The following ZNF423 variants were observed in gnomAD, a reference collection of about 807,000 sequenced individuals.
The protein encoded by ZNF423 is Ebf-associated zinc finger protein.
Under a neutral mutation model 95.8 loss-of-function variants are expected in ZNF423, and 12 were observed. The observed-to-expected ratio is 0.13, with a 90% CI of 0.08 to 0.20. ZNF423 has a LOEUF of 0.20. ZNF423 is among the 10% of genes least tolerant of loss of function. ZNF423 has a pLI of 1.00. For missense variants in ZNF423, 1,316 were observed against 1,737.1 expected (o/e 0.76, Z 4.31); for synonymous variants, 749 against 711.9 (o/e 1.05, Z -0.83).
At chr16:49,838,913 C>T (rs1490085135) in intron 1 of ZNF423, among the ~76,000 whole-genome samples, 4 of 151,858 alleles carry the variant, frequency 2.6e-5, no homozygotes, top group African/African-American at 9.7e-5. Flanking sequence ...TCAAAGGGGT[C>T]CCGGGGCCGC....
intron 3 of ZNF423, among the ~76,000 whole-genome samples, chr16:49,651,610 A>T (rs1973407976): frequency 6.6e-6 from 1 of 152,224 alleles, no homozygotes; most frequent in Non-Finnish European, 1.5e-5. Flanking sequence ...AATTTTACAG[A>T]TGGAGAAACC....
chr16:49,770,173 T>C (rs555531269), intron 2 of ZNF423, among the ~76,000 whole-genome samples: 22 of 150,182 alleles, frequency 1.5e-4, no homozygotes, highest in Admixed American at 6.7e-4. Context: ...CAATAATATC[T>C]GTGACTGAAA....
At chr16:49,663,788 T>C (rs1038396164) in intron 3 of ZNF423, among the ~76,000 whole-genome samples, 1 of 152,060 alleles carries the variant, frequency 6.6e-6, no homozygotes, top group African/African-American at 2.4e-5. Flanking sequence ...ACTCCAGACC[T>C]AGGAGTCAGG....
chr16:49,579,405 T>G (rs1190361859), intron 5 of ZNF423, among the ~76,000 whole-genome samples: 1 of 152,148 alleles, frequency 6.6e-6, no homozygotes, highest in Non-Finnish European at 1.5e-5. Context: ...CCTCCGCTCC[T>G]TAGTCCCAGC....
chr16:49,513,203 C>T (rs879566991), intron 7 of ZNF423, among the ~76,000 whole-genome samples: 2 of 152,208 alleles, frequency 1.3e-5, no homozygotes, highest in African/African-American at 4.8e-5. Context: ...GTGGCTGACT[C>T]CAGCGTGAGC....
At chr16:49,849,861 C>CA in intron 1 of ZNF423, among the ~76,000 whole-genome samples, 1 of 152,216 alleles carries the variant, frequency 6.6e-6, no homozygotes, top group Non-Finnish European at 1.5e-5. Context: ...AAGAAAATGT[C>CA]AGTGTTTTCA....
At chr16:49,645,287 C>G (rs1418563274) in intron 3 of ZNF423, among the ~76,000 whole-genome samples, 1 of 152,164 alleles carries the variant, frequency 6.6e-6, no homozygotes, top group African/African-American at 2.4e-5. Context: ...ACTCAGGAAC[C>G]AACTACCCAA....
chr16:49,675,631 T>G (rs1011171768), intron 3 of ZNF423, among the ~76,000 whole-genome samples: 1 of 151,946 alleles, frequency 6.6e-6, no homozygotes, highest in African/African-American at 2.4e-5. Context: ...TCTAGTTAAT[T>G]AAAACACACC....
chr16:49,562,345 T>C (rs1052758016), intron 5 of ZNF423, among the ~76,000 whole-genome samples: 1 of 152,214 alleles, frequency 6.6e-6, no homozygotes, highest in African/African-American at 2.4e-5. Flanking sequence ...TGACCCTTTA[T>C]CATCATCTGT....
At chr16:49,542,641 C>A (rs764609426) in intron 5 of ZNF423, among the ~76,000 whole-genome samples, 1 of 152,218 alleles carries the variant, frequency 6.6e-6, no homozygotes, top group African/African-American at 2.4e-5. Context: ...GAGGCTGCCA[C>A]GTGATGGCTC....
At chr16:49,653,203 A>G (rs1019141280) in intron 3 of ZNF423, among the ~76,000 whole-genome samples, 3 of 149,862 alleles carry the variant, frequency 2.0e-5, no homozygotes, top group Admixed American at 6.8e-5. Flanking sequence ...CAGACAGAGA[A>G]CCCCTAACTC....
Position 49,730,915 on chromosome 16 carries a change from T to C in ZNF423, c.157A>G (p.Arg53Gly), listed in dbSNP as rs778900951. ...TCCTCTTGACTTGTCACGCTGTTCC[T>C]GTCTTCCAGCGCACGGCTGGTTTTC... The part of the protein sequence containing the change: ...DQKTSRALED[R>G]NSVTSQEERN... The change falls in exon 3 of 8, where the codon AGG becomes GGG. Residue 53 changes from arginine (R) to glycine (G), a missense_variant. Coordinates refer to ENST00000563137, the MANE Select transcript of ZNF423 (RefSeq NM_001379286.1). The C allele has an allele frequency of 1.2e-6, 2 of 1,614,230 alleles. No homozygotes were observed. Among genetic ancestry groups the C allele is most frequent in the Non-Finnish European group, 1.7e-6 (2 of 1,180,036 alleles).
intron 5 of ZNF423, among the ~76,000 whole-genome samples, chr16:49,582,100 A>T (rs1970694719): frequency 6.6e-6 from 1 of 152,020 alleles, no homozygotes; most frequent in Non-Finnish European, 1.5e-5. Flanking sequence ...TCCTGAGCCC[A>T]CCTGACGCCT....
rs192530062 is a variant in ZNF423, at chr16:49,561,503, C to T, written c.3602-36009G>A. ...TAATCCATAACCTCTCTTTATTCTT[C>T]GAAAGCAATATGAAAACCATGGATC... On this transcript the variant is annotated intron_variant, in intron 5 of 7. Transcript: ENST00000563137. Among the ~76,000 whole-genome samples the T allele has an allele frequency of 4.7e-3, 720 of 152,214 alleles. 22 individuals carry two copies. The highest frequency in any genetic ancestry group is 0.04 in the Admixed American group (608 of 15,284).
intron 5 of ZNF423, among the ~76,000 whole-genome samples, chr16:49,545,313 C>A (rs1186886696): frequency 6.6e-6 from 1 of 152,184 alleles, no homozygotes; most frequent in Non-Finnish European, 1.5e-5. Context: ...GACTCCTTGT[C>A]CAGTGCTCCT....
In ZNF423 at chr16:49,488,195, GAAGA is replaced by G. The variant is rs1966873261; in HGVS notation, c.*3076_*3079del. ...CCCTAGGAACACACACCTTAGGAGG[GAAGA>G]AAAACAGGTGAAAAGTTCAATATTA... On this transcript the variant is annotated 3_prime_UTR_variant, in exon 8 of 8. Transcript: ENST00000563137. 1 of 152,246 alleles carries G rather than the reference GAAGA, an allele frequency of 6.6e-6. No individual in the cohort carries two copies. Among genetic ancestry groups the G allele is most frequent in the African/African-American group, 2.4e-5 (1 of 41,464 alleles). 9.4% of individuals were successfully genotyped at this position (152,246 alleles called of 1,614,324 possible). A position where few individuals can be genotyped will look rare whatever the true frequency, so the allele number is the denominator to read the frequency against.
chr16:49,663,590 T>C (rs1368575828), intron 3 of ZNF423, among the ~76,000 whole-genome samples: 1 of 152,078 alleles, frequency 6.6e-6, no homozygotes, highest in Admixed American at 6.5e-5. Flanking sequence ...TCCCGGCCAG[T>C]GGTGCAGGAA....
chr16:49,551,044 C>T (rs557995048), intron 5 of ZNF423, among the ~76,000 whole-genome samples: 8 of 152,344 alleles, frequency 5.3e-5, no homozygotes, highest in African/African-American at 1.7e-4. Context: ...CACCATCTCT[C>T]CCCACTCTCC....
At chr16:49,844,516 C>T (rs1223284601) in intron 1 of ZNF423, among the ~76,000 whole-genome samples, 9 of 152,116 alleles carry the variant, frequency 5.9e-5, no homozygotes, top group Admixed American at 5.2e-4. Flanking sequence ...GCTGGGGCAG[C>T]GGGAGGGGCC....
Sources: gnomAD v4.1 joint callset for allele counts (sites outside exome capture counted in the v4.1 genomes callset) on GRCh38, gnomAD v4.1.1 for gene constraint, MANE v1.5 for transcripts, NCBI Gene and HGNC (gene_info 2026-07-23, HGNC 2026-07-21) for gene names.